ABTB3: variants seen among roughly 807,000 people sequenced by gnomAD.
ABTB3 encodes the protein ankyrin repeat and BTB domain containing 3, also known as ankyrin repeat- and BTB/POZ domain-containing protein 3.
the ABTB3 span, among the ~76,000 whole-genome samples, chr12:107,608,902 T>G: frequency 1.6e-5 from 1 of 63,002 alleles, no homozygotes; most frequent in African/African-American, 7.7e-5. Context: ...ATAAATAAAA[T>G]AAAATAAAAT....
the ABTB3 span, among the ~76,000 whole-genome samples, chr12:107,502,870 A>G: frequency 6.6e-6 from 1 of 152,218 alleles, no homozygotes; most frequent in Non-Finnish European, 1.5e-5. Context: ...CCCACCAGTC[A>G]GTAGAAAAAC....
At chr12:107,516,380 A>G in the ABTB3 span, among the ~76,000 whole-genome samples, 74,300 of 151,610 alleles carry the variant, frequency 0.49, 18,737 homozygotes, top group African/African-American at 0.6. Context: ...ACAGGCACCC[A>G]CCACCACAGC....
chr12:107,396,037 G>T, the ABTB3 span, among the ~76,000 whole-genome samples: 3 of 152,236 alleles, frequency 2.0e-5, no homozygotes, highest in South Asian at 6.2e-4. Context: ...GACTCCAGCA[G>T]GACTAGCTCC....
the ABTB3 span, chr12:107,620,259 A>G: frequency 4.7e-6 from 7 of 1,480,588 alleles, no homozygotes; most frequent in Admixed American, 7.8e-5. Flanking sequence ...TTCCCCTTTG[A>G]GTGGGATCAC....
the ABTB3 span, among the ~76,000 whole-genome samples, chr12:107,484,203 G>A: frequency 4.6e-5 from 7 of 152,208 alleles, no homozygotes; most frequent in South Asian, 1.4e-3. Flanking sequence ...GCTGGGAAAA[G>A]CTAGGTGGAG....
the ABTB3 span, among the ~76,000 whole-genome samples, chr12:107,551,242 G>T: frequency 6.6e-6 from 1 of 152,288 alleles, no homozygotes; most frequent in South Asian, 2.1e-4. Context: ...CAGAGTTGCT[G>T]GATGAATGGG....
the ABTB3 span, among the ~76,000 whole-genome samples, chr12:107,583,332 A>T: frequency 6.6e-6 from 1 of 152,328 alleles, no homozygotes. Flanking sequence ...AAGGCCTTTA[A>T]TACTTTCTCA....
the ABTB3 span, chr12:107,617,502 C>T: frequency 1.3e-6 from 2 of 1,582,902 alleles, no homozygotes; most frequent in Non-Finnish European, 1.7e-6. Context: ...GATTCCCAGG[C>T]CTACCCCAGA....
the ABTB3 span, among the ~76,000 whole-genome samples, chr12:107,644,733 C>T: frequency 1.3e-5 from 2 of 152,142 alleles, no homozygotes; most frequent in African/African-American, 4.8e-5. Context: ...TCCTCCCACC[C>T]TTTACCCTCA....
chr12:107,599,359 C>G, the ABTB3 span, among the ~76,000 whole-genome samples: 3 of 152,150 alleles, frequency 2.0e-5, no homozygotes, highest in African/African-American at 7.2e-5. Flanking sequence ...GAAGCATAGC[C>G]ACAGATGGGA....
At chr12:107,525,446 T>A in the ABTB3 span, among the ~76,000 whole-genome samples, 1 of 151,904 alleles carries the variant, frequency 6.6e-6, no homozygotes. Context: ...CACAAGTACT[T>A]CCCATTGTGT....
At chr12:107,449,288 C>T in the ABTB3 span, among the ~76,000 whole-genome samples, 7 of 152,166 alleles carry the variant, frequency 4.6e-5, no homozygotes, top group Admixed American at 2.6e-4. Context: ...TTCTTATGTT[C>T]GTGAACAGGC....
the ABTB3 span, among the ~76,000 whole-genome samples, chr12:107,338,366 C>T: frequency 6.6e-6 from 1 of 152,084 alleles, no homozygotes; most frequent in Non-Finnish European, 1.5e-5. Flanking sequence ...CACAACAGCC[C>T]TATGTTGTAG....
chr12:107,558,023 G>A, the ABTB3 span, among the ~76,000 whole-genome samples: 1 of 152,240 alleles, frequency 6.6e-6, no homozygotes, highest in East Asian at 1.9e-4. Context: ...ACAGATCAGG[G>A]AAGGTGGTAT....
At chr12:107,637,167 T>C in the ABTB3 span, among the ~76,000 whole-genome samples, 28 of 152,342 alleles carry the variant, frequency 1.8e-4, no homozygotes, top group African/African-American at 6.0e-4. Context: ...TTATTTGTCA[T>C]TACTTTTAAG....
At chr12:107,397,696 C>G in the ABTB3 span, among the ~76,000 whole-genome samples, 14 of 152,256 alleles carry the variant, frequency 9.2e-5, no homozygotes, top group East Asian at 2.5e-3. Context: ...TAAAGATACT[C>G]TCCTCTCTTT....
chr12:107,657,628 C>A, the ABTB3 span: 1 of 1,614,116 alleles, frequency 6.2e-7, no homozygotes, highest in South Asian at 1.1e-5. Flanking sequence ...GTGAAGGGAC[C>A]GGCCAGGATG....
At chr12:107,395,888 G>C in the ABTB3 span, among the ~76,000 whole-genome samples, 2 of 152,264 alleles carry the variant, frequency 1.3e-5, no homozygotes, top group Admixed American at 6.5e-5. Flanking sequence ...GCAAAGAGGT[G>C]GTGACCAGAG....
chr12:107,481,386 G>T, the ABTB3 span, among the ~76,000 whole-genome samples: 2 of 152,110 alleles, frequency 1.3e-5, no homozygotes, highest in Non-Finnish European at 2.9e-5. Flanking sequence ...CCCTGCCCAG[G>T]GGCTCATTTG....
Sources: allele counts gnomAD v4.1 joint callset (sites outside exome capture counted in the v4.1 genomes callset), GRCh38; gene constraint gnomAD v4.1.1; transcripts MANE v1.5; gene names NCBI Gene and HGNC (gene_info 2026-07-23, HGNC 2026-07-21).